The following METAP1 variants were observed in gnomAD, a reference collection of about 807,000 sequenced individuals.
METAP1 encodes the protein methionine aminopeptidase 1.
In METAP1, 28 loss-of-function variants were observed where a neutral mutation model predicts 53.8. The ratio of observed to expected loss-of-function variants is 0.52; its 90% CI spans 0.39 to 0.71. The LOEUF (loss-of-function observed/expected upper bound fraction) is 0.71. Ranked by LOEUF, METAP1 falls within the 30% of genes least tolerant of loss-of-function variation. METAP1 has a pLI of 0.00. For missense variants in METAP1, 389 were observed against 479.8 expected, an observed-to-expected ratio of 0.81 and a Z score of 1.77; for synonymous variants, 181 against 165.7, an observed-to-expected ratio of 1.09 and a Z score of -0.71.
chr4:99,048,578 C>G (rs1451862543), intron 8 of METAP1, among the ~76,000 whole-genome samples, 155 bp from the exon 9 acceptor site: 1 of 152,162 alleles, frequency 6.6e-6, no homozygotes, highest in Non-Finnish European at 1.5e-5. Context: ...CCCTGTTGCC[C>G]AGGCTGGTCT....
At chr4:99,022,185 G>C in intron 1 of METAP1, 1 of 352,968 alleles carries the variant, frequency 2.8e-6, no homozygotes, top group Non-Finnish European at 5.0e-6. Context: ...TCCACGTTTG[G>C]GCCCTCACCA....
At chr4:98,998,347 AC>A (rs1273727820) in intron 1 of METAP1, among the ~76,000 whole-genome samples, 2 of 151,948 alleles carry the variant, frequency 1.3e-5, no homozygotes, top group Non-Finnish European at 2.9e-5. Flanking sequence ...ACATGTCAAA[AC>A]CCTGTCTCTA....
chr4:99,036,908 A>G (rs957127794), intron 4 of METAP1, among the ~76,000 whole-genome samples: 2 of 152,020 alleles, frequency 1.3e-5, no homozygotes, highest in African/African-American at 4.8e-5. Flanking sequence ...AGATATTACA[A>G]ATTTCAGAGA....
chr4:99,011,796 C>T (rs1259717826), intron 1 of METAP1, among the ~76,000 whole-genome samples: 1 of 151,964 alleles, frequency 6.6e-6, no homozygotes, highest in Non-Finnish European at 1.5e-5. Flanking sequence ...CAAAATTAGC[C>T]AGGCGTGGTG....
At chr4:99,020,626 C>T (rs1318864277) in intron 1 of METAP1, among the ~76,000 whole-genome samples, 2 of 152,134 alleles carry the variant, frequency 1.3e-5, no homozygotes, top group Non-Finnish European at 2.9e-5. Context: ...TCCTCCATCC[C>T]TTGCTTCAGA....
chr4:99,023,048 G>C (rs1724256183), intron 1 of METAP1: 1 of 1,392,644 alleles, frequency 7.2e-7, no homozygotes, highest in Non-Finnish European at 9.7e-7. Context: ...GATTCCTCCT[G>C]CTCCTCCTCC....
At position 99,030,953 on chromosome 4, in the gene METAP1, G is replaced by A. The variant is rs929793912; in HGVS notation, c.166+2035G>A. Among the ~76,000 whole-genome samples the A allele has an allele frequency of 9.9e-5, 15 of 151,920 alleles. 1 individual carries two copies. Among genetic ancestry groups the A allele is most frequent in the African/African-American group, 3.6e-4 (15 of 41,366 alleles). Reference sequence around the variant, plus strand: ...ACTTCTGTTTTCTAGAAGAGATTATGTAGAATTGATATTATTTCTTCTTAA... The same window carrying A: ...ACTTCTGTTTTCTAGAAGAGATTATATAGAATTGATATTATTTCTTCTTAA... On this transcript the variant is annotated intron_variant, in intron 2 of 10. Transcript: ENST00000296411.
At chr4:99,041,156 A>G in intron 6 of METAP1, 30 bp downstream of exon 6, 3 of 1,400,010 alleles carry the variant, frequency 2.1e-6, no homozygotes, top group Non-Finnish European at 2.0e-6. Flanking sequence ...ACTTTGAGTA[A>G]TTTTGTTACA....
At chr4:99,051,183 G>A (rs1366043848) in intron 9 of METAP1, among the ~76,000 whole-genome samples, 1 of 152,096 alleles carries the variant, frequency 6.6e-6, no homozygotes, top group Non-Finnish European at 1.5e-5. Context: ...TAAAATTTGA[G>A]TTTAGATATG....
intron 2 of METAP1, among the ~76,000 whole-genome samples, chr4:99,033,231 A>G (rs539001580): frequency 6.6e-6 from 1 of 151,414 alleles, no homozygotes; most frequent in East Asian, 1.9e-4. Flanking sequence ...TTTTAAATAG[A>G]TTGTTTAAGA....
chr4:99,043,074 C>G (rs534619437), intron 6 of METAP1, among the ~76,000 whole-genome samples, 175 bp from the exon 7 acceptor site: 1 of 152,102 alleles, frequency 6.6e-6, no homozygotes, highest in Non-Finnish European at 1.5e-5. Context: ...CTGACTGGCA[C>G]AAACCCTGTT....
intron 9 of METAP1, among the ~76,000 whole-genome samples, chr4:99,052,867 C>T (rs764000813): frequency 1.1e-4 from 17 of 152,366 alleles, no homozygotes; most frequent in Non-Finnish European, 2.5e-4. Flanking sequence ...TCAGTTCTCT[C>T]AAACCCTGCT....
chr4:99,020,068 C>A (rs983670420), intron 1 of METAP1, among the ~76,000 whole-genome samples: 3 of 152,150 alleles, frequency 2.0e-5, no homozygotes, highest in Non-Finnish European at 4.4e-5. Context: ...AATGTAACAT[C>A]CGCTGCCGGA....
chr4:99,059,645 A>G (rs1727400656), intron 10 of METAP1, among the ~76,000 whole-genome samples: 1 of 152,124 alleles, frequency 6.6e-6, no homozygotes, highest in Non-Finnish European at 1.5e-5. Flanking sequence ...CTTTTACAGT[A>G]GTATCTAGAA....
chr4:99,024,941 C>T (rs900909328), intron 1 of METAP1, among the ~76,000 whole-genome samples: 2 of 152,168 alleles, frequency 1.3e-5, no homozygotes, highest in African/African-American at 2.4e-5. Context: ...CTCAGATCTT[C>T]GAGAATTAGT....
chr4:99,047,677 G>C (rs1459723814), intron 8 of METAP1, among the ~76,000 whole-genome samples: 2 of 152,204 alleles, frequency 1.3e-5, no homozygotes, highest in Non-Finnish European at 2.9e-5. Flanking sequence ...CTGGGAATCA[G>C]ATAGGCTGAG....
intron 9 of METAP1, among the ~76,000 whole-genome samples, chr4:99,053,996 C>T (rs1242390645): frequency 6.8e-6 from 1 of 146,776 alleles, no homozygotes; most frequent in Non-Finnish European, 1.5e-5. Flanking sequence ...AGAGCACAGG[C>T]AGAGTAGATT....
intron 5 of METAP1, among the ~76,000 whole-genome samples, chr4:99,039,950 C>G (rs1277437141): frequency 6.6e-6 from 1 of 151,980 alleles, no homozygotes; most frequent in Non-Finnish European, 1.5e-5. Flanking sequence ...TGGTCTCTAA[C>G]TCCTGACGTA....
rs74478073 is a variant in METAP1 at position 99,030,107 on chromosome 4, G to A, written c.166+1189G>A. 3.8e-3 allele frequency among the ~76,000 whole-genome samples: 579 copies of A among 152,208 alleles called. 4 individuals carry two copies. Among genetic ancestry groups the A allele is most frequent in the African/African-American group, 0.013 (552 of 41,532 alleles). On this transcript the variant is annotated intron_variant, in intron 2 of 10. Transcript: ENST00000296411. ...GTGTTTCTAATGTGTTAGGTATTTT[G>A]CAGAGCTCTTTGAGCCAGTTACTAG...
Sources: allele counts gnomAD v4.1 joint callset (sites outside exome capture counted in the v4.1 genomes callset), GRCh38; gene constraint gnomAD v4.1.1; transcripts MANE v1.5; gene names NCBI Gene and HGNC (gene_info 2026-07-23, HGNC 2026-07-21).